Variants in SEC22C observed in about 807,000 individuals in gnomAD.
SEC22C encodes vesicle-trafficking protein SEC22c.
Under a neutral mutation model 34.7 loss-of-function variants are expected in SEC22C, and 29 were observed. The ratio of observed to expected loss-of-function variants is 0.84; its 90% confidence interval spans 0.62 to 1.14. The LOEUF (loss-of-function observed/expected upper bound fraction) is 1.14. Ranked by LOEUF, SEC22C falls within the 50% of genes most tolerant of loss-of-function variation. The probability of loss-of-function intolerance (pLI) is 0.00; values close to 1 mark genes in which losing one functional copy is unlikely to be tolerated. For synonymous variants in SEC22C, 117 were observed against 132.8 expected, an observed-to-expected ratio of 0.88 and a Z score of 0.82; for missense variants, 337 against 369.0, an observed-to-expected ratio of 0.91 and a Z score of 0.71.
chr3:42,580,404 G>A (rs971946755), intron 1 of SEC22C: 11 of 152,136 alleles, frequency 7.2e-5, no homozygotes, highest in Non-Finnish European at 1.5e-4. Flanking sequence ...ACACAATACA[G>A]AAGACAAAAC....
chr3:42,571,183 C>T (rs1241532064), intron 1 of SEC22C, among the ~76,000 whole-genome samples: 2 of 152,134 alleles, frequency 1.3e-5, no homozygotes, highest in African/African-American at 2.4e-5. Flanking sequence ...CATTTCCAAG[C>T]GATGGTAATC....
At position 42,548,114 on chromosome 3, in the gene SEC22C, A is replaced by G. The variant is rs1021137776; in HGVS notation, c.*5134T>C. ...GTTTGTTAAAATGTACCCATTATTT[A>G]CTCAAAATATTTATTGTTACAAGAA... On this transcript the variant is annotated 3_prime_UTR_variant, in exon 7 of 7. Transcript: ENST00000264454. 5.2e-5 allele frequency: 8 copies of G among 154,228 alleles called. No homozygotes were observed. Among genetic ancestry groups the G allele is most frequent in the Admixed American group, 4.5e-4 (7 of 15,660 alleles). 9.6% of individuals were successfully genotyped at this position (154,228 alleles called of 1,614,324 possible).
Position 42,549,417 on chromosome 3 carries a change from T to G in SEC22C, c.*3831A>C. 7 of 985,670 alleles carry G rather than the reference T, an allele frequency of 7.1e-6. No homozygotes were observed. The highest frequency in any genetic ancestry group is 8.4e-6 in the Non-Finnish European group (7 of 830,088). The allele number at this position is 985,670 out of a possible 1,614,324, so 61.1% of individuals were successfully genotyped here. On this transcript the variant is annotated 3_prime_UTR_variant, in exon 7 of 7. Transcript: ENST00000264454. ...CAAGGTGCAGTGTGCAACCCCCATA[T>G]GCCAAGGGGCAGCTGCTATCTTCCA...
At chr3:42,582,170 T>C, upstream of SEC22C, 1 of 152,176 alleles carries the variant, frequency 6.6e-6, no homozygotes, top group Non-Finnish European at 1.5e-5. Context: ...CTCCCAACTT[T>C]CTTCCCACCT....
chr3:42,567,029 T>A (rs1286813473), intron 2 of SEC22C, among the ~76,000 whole-genome samples: 1 of 152,106 alleles, frequency 6.6e-6, no homozygotes, highest in East Asian at 1.9e-4. Context: ...TCCTCCCACC[T>A]CAGCCTCCCA....
At chr3:42,562,306 AC>A (rs1702974069) in intron 3 of SEC22C, among the ~76,000 whole-genome samples, 1 of 152,234 alleles carries the variant, frequency 6.6e-6, no homozygotes, top group Non-Finnish European at 1.5e-5. Flanking sequence ...AGAGAAGAAC[AC>A]AGGTCTACCG....
chr3:42,598,283 T>C lies in SEC22C; in HGVS notation c.-28+2677A>G, dbSNP rs548430993. On this transcript the variant is annotated intron_variant, in intron 1 of 6. Transcript: ENST00000417572. ...CTGACATGCTACAACATGGATGAAA[T>C]GGAAGACATGCTGAGTGAAATCACC... is the stretch of plus-strand genomic sequence containing the variant. Among the ~76,000 whole-genome samples the C allele has an allele frequency of 4.4e-3, 664 of 152,102 alleles. 4 individuals are homozygous for C. The highest frequency in any genetic ancestry group is 0.015 in the African/African-American group (630 of 41,508).
intron 1 of SEC22C, chr3:42,587,447 G>A (rs1704648830): frequency 6.6e-6 from 1 of 152,176 alleles, no homozygotes; most frequent in African/African-American, 2.4e-5. Flanking sequence ...AAACCAATCA[G>A]TCCAGGTGCG....
rs543099930 is a variant in SEC22C at position 42,549,792 on chromosome 3, C to A, written c.*3456G>T. The A allele has an allele frequency of 3.7e-5, 36 of 985,484 alleles. No homozygotes were observed. The African/African-American group carries it at 6.3e-4, about 17-fold the overall frequency. The allele number at this position is 985,484 out of a possible 1,614,324, so 61.0% of individuals were successfully genotyped here. A position where few individuals can be genotyped will look rare whatever the true frequency, so the allele number is the denominator to read the frequency against. On this transcript the variant is annotated 3_prime_UTR_variant, in exon 7 of 7. Transcript: ENST00000264454. Reference sequence around the variant, plus strand: ...GAGAACAAGAGCACCTAGAAAAGAACAGAGGAGCTCAAGCTCATTTAATCA... The same window carrying A: ...GAGAACAAGAGCACCTAGAAAAGAAAAGAGGAGCTCAAGCTCATTTAATCA...
In SEC22C at chr3:42,556,008, C is replaced by T; in HGVS notation, c.646-13G>A. 1 of 1,593,706 alleles carries T rather than the reference C, an allele frequency of 6.3e-7. No individual in the cohort carries two copies. The highest frequency in any genetic ancestry group is 8.6e-7 in the Non-Finnish European group (1 of 1,163,336). ...CCTCATGGGCAACCTAAAACAAATACAAGGAACACAAGGAAAGGGATATTT... is the reference window on the plus strand; with the variant it reads ...CCTCATGGGCAACCTAAAACAAATATAAGGAACACAAGGAAAGGGATATTT... On this transcript the variant is annotated splice_polypyrimidine_tract_variant and intron_variant, in intron 5 of 6. Transcript: ENST00000264454.
At chr3:42,594,868 G>C in intron 1 of SEC22C, 1 of 167,182 alleles carries the variant, frequency 6.0e-6, no homozygotes, top group Non-Finnish European at 1.3e-5. Context: ...GAATTGGTGA[G>C]ATTCCTGACT....
intron 1 of SEC22C, chr3:42,580,608 T>C (rs1203793691): frequency 6.6e-6 from 1 of 152,216 alleles, no homozygotes; most frequent in Non-Finnish European, 1.5e-5. Context: ...ACACTGATAA[T>C]GTTATTAAAT....
intron 1 of SEC22C, among the ~76,000 whole-genome samples, chr3:42,595,542 C>T (rs1318662560): frequency 6.6e-6 from 1 of 152,208 alleles, no homozygotes; most frequent in Non-Finnish European, 1.5e-5. Flanking sequence ...ACCAGCCTTT[C>T]ACTTAAATTA....
At chr3:42,573,479 C>G (rs1371275057) in intron 1 of SEC22C, 1 of 152,264 alleles carries the variant, frequency 6.6e-6, no homozygotes. Flanking sequence ...GAGCCAAGAT[C>G]ACACCACTGC....
intron 1 of SEC22C, among the ~76,000 whole-genome samples, chr3:42,589,226 A>C (rs1335357093): frequency 6.6e-6 from 1 of 151,752 alleles, no homozygotes; most frequent in African/African-American, 2.4e-5. Context: ...CCGAGATCAC[A>C]CCACTGCACT....
intron 1 of SEC22C, among the ~76,000 whole-genome samples, chr3:42,589,577 C>T (rs553836408): frequency 6.6e-6 from 1 of 152,276 alleles, no homozygotes; most frequent in African/African-American, 2.4e-5. Context: ...GCATTACCGC[C>T]GAGCATTCTG....
At chr3:42,573,114 A>G (rs1462137671) in intron 1 of SEC22C, among the ~76,000 whole-genome samples, 1 of 152,176 alleles carries the variant, frequency 6.6e-6, no homozygotes, top group Non-Finnish European at 1.5e-5. Context: ...GGCCTCTCAA[A>G]GTGGCGGGAT....
chr3:42,560,947 A>C (rs181645505), intron 4 of SEC22C, among the ~76,000 whole-genome samples, 170 bp downstream of exon 4: 3 of 152,188 alleles, frequency 2.0e-5, no homozygotes, highest in African/African-American at 7.2e-5. Context: ...GCCTGTAGTC[A>C]AAGTTTTTAT....
intron 6 of SEC22C, among the ~76,000 whole-genome samples, chr3:42,554,632 AC>A (rs1702415709): frequency 6.6e-6 from 1 of 152,114 alleles, no homozygotes; most frequent in Non-Finnish European, 1.5e-5. Flanking sequence ...GAGTCACCAC[AC>A]CTGGCCTGGG....
Sources: gnomAD v4.1 joint callset for allele counts (sites outside exome capture counted in the v4.1 genomes callset) on GRCh38, gnomAD v4.1.1 for gene constraint, MANE v1.5 for transcripts, NCBI Gene and HGNC (gene_info 2026-07-23, HGNC 2026-07-21) for gene names.